MSRB3: variants seen among roughly 807,000 people sequenced by gnomAD.
MSRB3 encodes the protein methionine sulfoxide reductase B3, also known as methionine-R-sulfoxide reductase B3.
In MSRB3, 13 loss-of-function variants were observed where a neutral mutation model predicts 21.0. The observed-to-expected ratio is 0.62, with a 90% CI of 0.40 to 0.98. The LOEUF (loss-of-function observed/expected upper bound fraction) is 0.98. Ranked by LOEUF, MSRB3 falls within the 50% of genes least tolerant of loss-of-function variation. MSRB3 has a pLI of 0.00. For synonymous variants in MSRB3, 87 were observed against 88.6 expected (o/e 0.98, Z 0.10); for missense variants, 199 against 230.3 (o/e 0.86, Z 0.88).
At chr12:65,332,600 C>T (rs985558429) in intron 4 of MSRB3, among the ~76,000 whole-genome samples, 2 of 152,012 alleles carry the variant, frequency 1.3e-5, no homozygotes, top group African/African-American at 4.8e-5. Context: ...CAAACCTGCA[C>T]GTTGTGCACA....
intron 5 of MSRB3, among the ~76,000 whole-genome samples, chr12:65,423,543 T>G (rs1881431988): frequency 6.6e-6 from 1 of 152,208 alleles, no homozygotes; most frequent in Non-Finnish European, 1.5e-5. Flanking sequence ...TTGAGAGCTT[T>G]TATCATGAAA....
chr12:65,296,167 A>G (rs1227899017), intron 1 of MSRB3, among the ~76,000 whole-genome samples: 3 of 152,216 alleles, frequency 2.0e-5, no homozygotes, highest in Non-Finnish European at 4.4e-5. Context: ...GTCAAATATA[A>G]TGATTTCTCT....
intron 5 of MSRB3, among the ~76,000 whole-genome samples, chr12:65,413,501 C>T (rs912275412): frequency 2.6e-5 from 4 of 152,162 alleles, no homozygotes; most frequent in East Asian, 1.9e-4. Flanking sequence ...GAGATGTTCT[C>T]GTTCCTGTTT....
Position 65,463,533 on chromosome 12 carries a change from G to A in MSRB3, c.*211G>A, listed in dbSNP as rs559405214. On this transcript the variant is annotated 3_prime_UTR_variant, in exon 7 of 7. Transcript: ENST00000308259. ...AGAACTGTTTATAGCTTTAGCAAATGGAGACAGCTTTGTGAAACTTCTTCA... is the reference window on the plus strand; with the variant it reads ...AGAACTGTTTATAGCTTTAGCAAATAGAGACAGCTTTGTGAAACTTCTTCA... 298 of 578,300 alleles carry A rather than the reference G, an allele frequency of 5.2e-4. 1 individual carries two copies. The highest frequency in any genetic ancestry group is 5.2e-3 in the African/African-American group (275 of 53,388). The allele number at this position is 578,300 out of a possible 1,614,324, so 35.8% of individuals were successfully genotyped here.
chr12:65,345,579 C>CT (rs997008292), intron 4 of MSRB3, among the ~76,000 whole-genome samples: 9 of 151,718 alleles, frequency 5.9e-5, no homozygotes, highest in South Asian at 2.1e-4. Flanking sequence ...TAAGGAAGAT[C>CT]TTTTTTTTAT....
intron 1 of MSRB3, among the ~76,000 whole-genome samples, chr12:65,303,353 T>C (rs1311791243): frequency 1.3e-5 from 2 of 152,142 alleles, no homozygotes; most frequent in African/African-American, 2.4e-5. Context: ...TTTAATCAAA[T>C]TTTTGGATGT....
intron 5 of MSRB3, among the ~76,000 whole-genome samples, chr12:65,387,498 A>G (rs187389003): frequency 6.6e-6 from 1 of 152,190 alleles, no homozygotes; most frequent in East Asian, 1.9e-4. Context: ...TTTTATTCTT[A>G]TGTACATTGA....
chr12:65,348,523 T>C (rs1404496560), intron 4 of MSRB3, among the ~76,000 whole-genome samples: 4 of 152,010 alleles, frequency 2.6e-5, no homozygotes, highest in East Asian at 1.9e-4. Flanking sequence ...TTTGTTGATC[T>C]TTTCAAAAAA....
At chr12:65,442,546 A>G (rs1437291207) in intron 5 of MSRB3, among the ~76,000 whole-genome samples, 1 of 152,082 alleles carries the variant, frequency 6.6e-6, no homozygotes, top group Non-Finnish European at 1.5e-5. Context: ...TAAGCACAGT[A>G]AATAATCTTT....
chr12:65,296,607 T>C (rs899881379), intron 1 of MSRB3, among the ~76,000 whole-genome samples: 2 of 152,218 alleles, frequency 1.3e-5, no homozygotes, highest in East Asian at 3.9e-4. Flanking sequence ...GTTTGGACTC[T>C]TTCCTGTATA....
At chr12:65,462,959 T>G (rs1397179431) in intron 6 of MSRB3, among the ~76,000 whole-genome samples, 196 bp from the exon 7 acceptor site, 1 of 152,230 alleles carries the variant, frequency 6.6e-6, no homozygotes, top group Admixed American at 6.5e-5. Context: ...ATTCTAGTGT[T>G]TTTTGTTCTC....
chr12:65,328,382 T>C, intron 3 of MSRB3, 144 bp from the exon 4 acceptor site: 1 of 644,492 alleles, frequency 1.6e-6, no homozygotes, highest in South Asian at 1.9e-5. Flanking sequence ...ATTAGTAAAG[T>C]TCAGATTTCC....
intron 2 of MSRB3, among the ~76,000 whole-genome samples, chr12:65,311,312 C>T (rs181953281): frequency 5.3e-5 from 8 of 152,106 alleles, no homozygotes; most frequent in Admixed American, 3.3e-4. Flanking sequence ...CTTGTAAACC[C>T]ATTTTAATTT....
At chr12:65,440,102 T>C (rs971633399) in intron 5 of MSRB3, among the ~76,000 whole-genome samples, 3 of 151,766 alleles carry the variant, frequency 2.0e-5, no homozygotes, top group African/African-American at 7.2e-5. Flanking sequence ...GTTTAAAACT[T>C]ATTGGTAGCC....
At chr12:65,329,685 G>A (rs1048921244) in intron 4 of MSRB3, among the ~76,000 whole-genome samples, 133 of 151,508 alleles carry the variant, frequency 8.8e-4, no homozygotes, top group African/African-American at 3.0e-3. Flanking sequence ...TATTTAAAAT[G>A]GAATTACAGA....
intron 5 of MSRB3, among the ~76,000 whole-genome samples, chr12:65,444,569 AG>A (rs1440948972): frequency 6.6e-6 from 1 of 152,158 alleles, no homozygotes; most frequent in Non-Finnish European, 1.5e-5. Context: ...GATGAGTGAT[AG>A]GGACCTTGAT....
intron 5 of MSRB3, among the ~76,000 whole-genome samples, chr12:65,444,055 A>G (rs538079665): frequency 7.9e-5 from 12 of 152,304 alleles, no homozygotes; most frequent in East Asian, 1.9e-4. Flanking sequence ...AAGTTGTAGT[A>G]GTTAATAAAG....
chr12:65,394,495 T>G (rs186523311), intron 5 of MSRB3, among the ~76,000 whole-genome samples: 1 of 152,190 alleles, frequency 6.6e-6, no homozygotes, highest in African/African-American at 2.4e-5. Context: ...ATCACTTCAC[T>G]GATAAATTCT....
At chr12:65,326,964 A>G (rs1435202604) in intron 3 of MSRB3, 30 bp downstream of exon 3, 2 of 1,545,238 alleles carry the variant, frequency 1.3e-6, no homozygotes, top group Non-Finnish European at 1.8e-6. Flanking sequence ...AAAGTCATTA[A>G]GAGCTAGATT....
Sources: gnomAD v4.1 joint callset for allele counts (sites outside exome capture counted in the v4.1 genomes callset) on GRCh38, gnomAD v4.1.1 for gene constraint, MANE v1.5 for transcripts, NCBI Gene and HGNC (gene_info 2026-07-23, HGNC 2026-07-21) for gene names.